The following SEC63 variants were observed in gnomAD, a reference collection of about 807,000 sequenced individuals.
The protein encoded by SEC63 is translocation protein SEC63 homolog.
Under a neutral mutation model 116.2 loss-of-function variants are expected in SEC63, and 56 were observed. The observed-to-expected ratio is 0.48, with a 90% confidence interval of 0.39 to 0.60. The LOEUF is 0.60. Ranked by LOEUF, SEC63 falls within the 20% of genes least tolerant of loss-of-function variation. The probability of loss-of-function intolerance (pLI) is 0.00; values close to 1 mark genes in which losing one functional copy is unlikely to be tolerated. For synonymous variants in SEC63, 273 were observed against 294.6 expected (o/e 0.93, Z 0.75); for missense variants, 668 against 900.0 (o/e 0.74, Z 3.30).
chr6:107,908,641 G>A (rs1787207237), intron 8 of SEC63, among the ~76,000 whole-genome samples: 3 of 152,090 alleles, frequency 2.0e-5, no homozygotes, highest in African/African-American at 7.2e-5. Flanking sequence ...GCAGTGTCTG[G>A]CATACAACAA....
intron 8 of SEC63, among the ~76,000 whole-genome samples, chr6:107,907,436 G>A (rs1040949074): frequency 2.0e-5 from 3 of 151,900 alleles, no homozygotes; most frequent in Non-Finnish European, 4.4e-5. Flanking sequence ...ACAAAAATTA[G>A]CCAGGCATAG....
At position 107,869,517 on chromosome 6, in the gene SEC63, C is replaced by G. The variant is rs1435379439; in HGVS notation, c.*2187G>C. 1 of 152,138 alleles carries G rather than the reference C, an allele frequency of 6.6e-6. No homozygotes were observed. Among genetic ancestry groups the G allele is most frequent in the Non-Finnish European group, 1.5e-5 (1 of 68,032 alleles). 9.4% of individuals were successfully genotyped at this position (152,138 alleles called of 1,614,324 possible). On this transcript the variant is annotated 3_prime_UTR_variant, in exon 21 of 21. Coordinates refer to ENST00000369002, the MANE Select transcript of SEC63 (RefSeq NM_007214.5). ...GAAAATTGAAACTTTGCTCAAGTTTCCATTAGATTAAATGCAAACTAGGAT... is the reference window on the plus strand; with the variant it reads ...GAAAATTGAAACTTTGCTCAAGTTTGCATTAGATTAAATGCAAACTAGGAT...
At chr6:107,882,771 G>A (rs137867221) in intron 17 of SEC63, among the ~76,000 whole-genome samples, 9 of 152,078 alleles carry the variant, frequency 5.9e-5, no homozygotes, top group South Asian at 2.1e-4. Context: ...TTAAGAAAAC[G>A]AGGATTTCCA....
chr6:107,918,473 TCACCTGAGGTCAGG>T (rs1315189545), intron 4 of SEC63, among the ~76,000 whole-genome samples: 1 of 152,044 alleles, frequency 6.6e-6, no homozygotes, highest in Non-Finnish European at 1.5e-5. Context: ...GGTGGGCAGA[TCACCTGAGGTCAGG>T]AGTTCAAGAC....
At chr6:107,875,232 C>T (rs192514033) in intron 19 of SEC63, among the ~76,000 whole-genome samples, 2 of 152,194 alleles carry the variant, frequency 1.3e-5, no homozygotes, top group Admixed American at 6.5e-5. Context: ...TCTACAAGTA[C>T]CTCAAATGGT....
In SEC63 at chr6:107,929,418, A is replaced by C. The variant is rs1787748379; in HGVS notation, c.221T>G (p.Val74Gly). 4 of 1,520,198 alleles carry C rather than the reference A, an allele frequency of 2.6e-6. No individual in the cohort carries two copies. Among genetic ancestry groups the C allele is most frequent in the Non-Finnish European group, 3.7e-6 (4 of 1,094,886 alleles). 94.2% of individuals were successfully genotyped at this position (1,520,198 alleles called of 1,614,324 possible). A position where few individuals can be genotyped will look rare whatever the true frequency, so the allele number is the denominator to read the frequency against. The change falls in exon 2 of 21, where the codon GTA becomes GGA. Residue 74 changes from valine to glycine, a missense_variant. Val to Gly is a moderately radical substitution (Grantham distance 109, BLOSUM62 -3). Transcript: ENST00000369002. ...TTTCTTGAAATCCATTACTTACTTTACTGTAGGAATAATATTTGGCTGGGG... is the reference window on the plus strand; with the variant it reads ...TTTCTTGAAATCCATTACTTACTTTCCTGTAGGAATAATATTTGGCTGGGG... ...LKPQPNIIPT[V>G]KKIVLLAGWA...
At chr6:107,874,452 T>A (rs1224142452) in intron 19 of SEC63, among the ~76,000 whole-genome samples, 2 of 151,606 alleles carry the variant, frequency 1.3e-5, no homozygotes, top group Non-Finnish European at 2.9e-5. Context: ...AAAAATTAGC[T>A]GGGTGCAGTG....
chr6:107,948,109 C>T (rs1289803509), intron 1 of SEC63, among the ~76,000 whole-genome samples: 1 of 152,154 alleles, frequency 6.6e-6, no homozygotes, highest in African/African-American at 2.4e-5. Flanking sequence ...CCTTTTAAGA[C>T]CTATCTCGTG....
At chr6:107,892,775 C>T (rs751090439) in intron 16 of SEC63, among the ~76,000 whole-genome samples, 4 of 152,040 alleles carry the variant, frequency 2.6e-5, no homozygotes, top group Non-Finnish European at 5.9e-5. Context: ...CAAACAAAAA[C>T]CACATAAAGA....
intron 2 of SEC63, among the ~76,000 whole-genome samples, chr6:107,927,189 A>G (rs1055994193): frequency 3.9e-5 from 6 of 152,012 alleles, no homozygotes; most frequent in African/African-American, 1.4e-4. Flanking sequence ...CAGCCTCCGG[A>G]GTAGCTGGGA....
intron 16 of SEC63, among the ~76,000 whole-genome samples, chr6:107,886,834 T>C (rs1786540076): frequency 6.7e-6 from 1 of 149,676 alleles, no homozygotes; most frequent in African/African-American, 2.5e-5. Flanking sequence ...GATAGTTTTT[T>C]GTTTTTTTGG....
intron 5 of SEC63, among the ~76,000 whole-genome samples, chr6:107,913,056 A>G (rs112430723): frequency 1.3e-5 from 2 of 152,208 alleles, no homozygotes; most frequent in African/African-American, 4.8e-5. Context: ...GAGTTTACAT[A>G]AACACTATGA....
intron 4 of SEC63, among the ~76,000 whole-genome samples, chr6:107,914,644 G>C (rs1787358581): frequency 6.6e-6 from 1 of 152,082 alleles, no homozygotes; most frequent in Non-Finnish European, 1.5e-5. Context: ...AAGATAATAA[G>C]GAATAGTGCT....
Position 107,919,166 on chromosome 6 carries a change from C to T in SEC63, c.452+2631G>A, listed in dbSNP as rs1306012115. Among the ~76,000 whole-genome samples, 3 of 152,142 alleles carry T rather than the reference C, an allele frequency of 2.0e-5. No individual in the cohort carries two copies. The East Asian group carries it at 5.8e-4, about 29-fold the overall frequency. On this transcript the variant is annotated intron_variant, in intron 4 of 20. Transcript: ENST00000369002. ...CCTCAGGTGATCCACCTGCCTCGGC[C>T]TCCCAAAGTGCTGGGATTACAGGCA...
chr6:107,874,895 G>GT (rs1260491656), intron 19 of SEC63, among the ~76,000 whole-genome samples: 4 of 152,146 alleles, frequency 2.6e-5, no homozygotes, highest in African/African-American at 9.7e-5. Context: ...ACCAAAAACT[G>GT]TAACAGACAT....
intron 1 of SEC63, among the ~76,000 whole-genome samples, chr6:107,931,009 A>C (rs1035287668): frequency 6.6e-6 from 1 of 151,006 alleles, no homozygotes; most frequent in Non-Finnish European, 1.5e-5. Flanking sequence ...AAAAGAACTT[A>C]AGTTTACATA....
intron 15 of SEC63, 81 bp downstream of exon 15, chr6:107,893,757 A>G (rs1293961420): frequency 7.5e-6 from 12 of 1,594,802 alleles, no homozygotes; most frequent in Non-Finnish European, 1.0e-5. Context: ...TTACTCTCCC[A>G]GAGCAATATA....
At chr6:107,876,496 A>G (rs897574392) in intron 19 of SEC63, 68 bp downstream of exon 19, 41 of 938,606 alleles carry the variant, frequency 4.4e-5, no homozygotes, top group Non-Finnish European at 6.5e-5. Flanking sequence ...AAAAAAAGAT[A>G]TATGAAGCAG....
intron 16 of SEC63, chr6:107,883,453 A>C: frequency 1.1e-5 from 3 of 266,538 alleles, no homozygotes; most frequent in Non-Finnish European, 2.1e-5. Flanking sequence ...TCTGCTTTCA[A>C]AAACATCAAT....
Sources: allele counts gnomAD v4.1 joint callset (sites outside exome capture counted in the v4.1 genomes callset), GRCh38; gene constraint gnomAD v4.1.1; transcripts MANE v1.5; gene names NCBI Gene and HGNC (gene_info 2026-07-23, HGNC 2026-07-21).